KCTD5: variants seen among roughly 807,000 people sequenced by gnomAD.
The protein encoded by KCTD5 is potassium channel tetramerization domain containing 5.
Under a neutral mutation model 27.9 loss-of-function variants are expected in KCTD5, and 12 were observed. The ratio of observed to expected loss-of-function variants is 0.43; its 90% confidence interval spans 0.28 to 0.70. KCTD5 has a LOEUF of 0.70. KCTD5 is among the 30% of genes least tolerant of loss of function. The pLI is 0.19. For missense variants in KCTD5, 226 were observed against 274.8 expected, an observed-to-expected ratio of 0.82 and a Z score of 1.26; for synonymous variants, 147 against 121.4, an observed-to-expected ratio of 1.21 and a Z score of -1.39.
At chr16:2,687,708 CAG>C (rs2067546311) in intron 1 of KCTD5, among the ~76,000 whole-genome samples, 1 of 152,162 alleles carries the variant, frequency 6.6e-6, no homozygotes, top group Non-Finnish European at 1.5e-5. Context: ...GACTCCTTTT[CAG>C]ACACTTGTAG....
rs1261127209 is a variant in KCTD5, at chr16:2,702,384, G to C, written c.581G>C (p.Gly194Ala). Residue 194 changes from glycine (G) to alanine (A), a missense_variant, in exon 5 of 6, where the codon GGG becomes GCG. Around this residue, in one of 2 missense-constraint regions of KCTD5, gnomAD observed 135 missense variants for 207.0 expected, o/e 0.65. Coordinates refer to ENST00000301738, the MANE Select transcript of KCTD5 (RefSeq NM_018992.4). Reference protein sequence around the residue: ...LVSIGSSYNYGNEDQAEFLCV... With the variant: ...LVSIGSSYNYANEDQAEFLCV... ...AGCATCGGCTCCTCTTACAACTATG[G>C]GAACGAAGACCAAGCCGAGTTCCTC... 6.2e-7 allele frequency: 1 copy of C among 1,613,360 alleles called. No individual in the cohort carries two copies. The highest frequency in any genetic ancestry group is 8.5e-7 in the Non-Finnish European group (1 of 1,179,974).
At chr16:2,705,114 C>T (rs1032088228) in intron 5 of KCTD5, among the ~76,000 whole-genome samples, 14 of 152,236 alleles carry the variant, frequency 9.2e-5, no homozygotes, top group African/African-American at 1.4e-4. Flanking sequence ...TTCTCCCCCA[C>T]TGCGCGCTGC....
chr16:2,685,109 C>G (rs1363866286), intron 1 of KCTD5, among the ~76,000 whole-genome samples: 2 of 152,186 alleles, frequency 1.3e-5, no homozygotes, highest in African/African-American at 4.8e-5. Context: ...GTAGCAGATA[C>G]AGTCGTCTCT....
Position 2,697,896 on chromosome 16 carries a change from C to T in KCTD5, c.362-10C>T, listed in dbSNP as rs758639166. On this transcript the variant is annotated splice_polypyrimidine_tract_variant and intron_variant, in intron 2 of 5. Coordinates refer to ENST00000301738, the MANE Select transcript of KCTD5 (RefSeq NM_018992.4). ...GTCTGGTAAAGACAATTTATTTTTC[C>T]TTATTCCAGGAGTGTTGGAGGAAGC... The T allele has an allele frequency of 2.5e-6, 4 of 1,573,450 alleles. No homozygotes were observed. Among genetic ancestry groups the T allele is most frequent in the South Asian group, 2.2e-5 (2 of 89,884 alleles).
intron 1 of KCTD5, among the ~76,000 whole-genome samples, chr16:2,691,970 C>A (rs139873400): frequency 3.3e-5 from 5 of 152,316 alleles, no homozygotes; most frequent in Non-Finnish European, 7.3e-5. Context: ...GTTCCTGGGG[C>A]GTGCGGTTCC....
intron 5 of KCTD5, among the ~76,000 whole-genome samples, chr16:2,706,442 C>T (rs981124255): frequency 1.3e-5 from 2 of 152,196 alleles, no homozygotes; most frequent in Non-Finnish European, 2.9e-5. Flanking sequence ...GGCTGGCTGG[C>T]TCCGAAGCTC....
rs374183656 is a variant in KCTD5, at chr16:2,698,016, G to C, written c.453+19G>C. On this transcript the variant is annotated intron_variant, in intron 3 of 5. Coordinates refer to ENST00000301738, the MANE Select transcript of KCTD5 (RefSeq NM_018992.4). ...ATCGCAGGTGAGACAAATGACTGAG[G>C]CTGGAAGCTTGTATGGCTGGTGTGA... The C allele has an allele frequency of 1.6e-5, 25 of 1,573,186 alleles. No homozygotes were observed. In the African/African-American group the frequency reaches 3.2e-4, roughly 20 times the overall value.
intron 1 of KCTD5, among the ~76,000 whole-genome samples, chr16:2,689,329 CAG>C (rs1265801202): frequency 1.6e-4 from 5 of 30,882 alleles, no homozygotes; most frequent in African/African-American, 4.4e-4. Context: ...GAAATTGAAA[CAG>C]AGTCACTTGA....
intron 1 of KCTD5, among the ~76,000 whole-genome samples, chr16:2,693,452 G>T (rs1214779636): frequency 3.3e-5 from 5 of 152,234 alleles, no homozygotes; most frequent in Admixed American, 2.6e-4. Flanking sequence ...CCCGCCCAGT[G>T]GTAGGAGTGG....
intron 1 of KCTD5, among the ~76,000 whole-genome samples, chr16:2,692,014 C>A (rs1055133464): frequency 6.6e-6 from 1 of 152,154 alleles, no homozygotes; most frequent in Non-Finnish European, 1.5e-5. Context: ...CCTGGTCCCT[C>A]TGTCAGGAGC....
chr16:2,693,647 G>T (rs975105556), intron 1 of KCTD5, among the ~76,000 whole-genome samples: 1 of 152,192 alleles, frequency 6.6e-6, no homozygotes, highest in African/African-American at 2.4e-5. Context: ...CAGTTGCAGG[G>T]CTGGGGTTGC....
chr16:2,692,200 C>T (rs1314426183), intron 1 of KCTD5, among the ~76,000 whole-genome samples: 1 of 152,208 alleles, frequency 6.6e-6, no homozygotes, highest in Non-Finnish European at 1.5e-5. Context: ...CCTGCTGATA[C>T]GGTGTCTTTA....
At chr16:2,706,081 G>A (rs966513247) in intron 5 of KCTD5, among the ~76,000 whole-genome samples, 31 of 152,328 alleles carry the variant, frequency 2.0e-4, no homozygotes, top group Admixed American at 1.8e-3. Context: ...GCTGCCCCTC[G>A]CACAGGGGGA....
chr16:2,699,001 A>G (rs990324763), intron 3 of KCTD5, among the ~76,000 whole-genome samples: 2 of 152,192 alleles, frequency 1.3e-5, no homozygotes, highest in Non-Finnish European at 2.9e-5. Context: ...GTGACACAGT[A>G]GCATCTCACT....
rs1250492026 is a variant in KCTD5 at position 2,702,478 on chromosome 16, G to A, written c.675G>A (p.Lys225=). The A allele has an allele frequency of 9.3e-6, 15 of 1,613,030 alleles. No homozygotes were observed. Among genetic ancestry groups the A allele is most frequent in the Non-Finnish European group, 1.3e-5 (15 of 1,179,884 alleles). The change falls in exon 5 of 6, where the codon AAG becomes AAA. Residue 225 remains lysine, a splice_region_variant and synonymous_variant. Transcript: ENST00000301738. ...CCAGCGAGCCCAGCGAGAAGGCCAA[G>A]GTGAGTGCTGGGCCGGCCCTGGCCT... ...GTASEPSEKA[K]ILQERGSRM is the part of the protein sequence containing the mutation.
At chr16:2,705,219 C>T (rs1019260051) in intron 5 of KCTD5, among the ~76,000 whole-genome samples, 2 of 152,178 alleles carry the variant, frequency 1.3e-5, no homozygotes, top group African/African-American at 4.8e-5. Context: ...TCCTTGACCC[C>T]ATGGCCCCAG....
At chr16:2,691,808 C>G (rs1451303262) in intron 1 of KCTD5, among the ~76,000 whole-genome samples, 2 of 152,230 alleles carry the variant, frequency 1.3e-5, no homozygotes, top group African/African-American at 4.8e-5. Flanking sequence ...CTGCTCCTTT[C>G]AAGTCTCTTC....
At chr16:2,698,393 G>C (rs748681271) in intron 3 of KCTD5, among the ~76,000 whole-genome samples, 1 of 152,258 alleles carries the variant, frequency 6.6e-6, no homozygotes, top group East Asian at 1.9e-4. Context: ...CAGATGGGTC[G>C]TGTGGGTCTG....
Position 2,697,904 on chromosome 16 carries a change from A to G in KCTD5, c.362-2A>G. ...AAGACAATTTATTTTTCCTTATTCC[A>G]GGAGTGTTGGAGGAAGCAGAATTTT... is the stretch of plus-strand genomic sequence containing the variant. On this transcript the variant is annotated splice_acceptor_variant, in intron 2 of 5. Coordinates refer to ENST00000301738, the MANE Select transcript of KCTD5 (RefSeq NM_018992.4). LOFTEE classifies it high-confidence loss of function. 1.3e-6 allele frequency: 2 copies of G among 1,590,252 alleles called. No homozygotes were observed. The highest frequency in any genetic ancestry group is 1.7e-6 in the Non-Finnish European group (2 of 1,158,802).
Sources: allele counts gnomAD v4.1 joint callset (sites outside exome capture counted in the v4.1 genomes callset), GRCh38; gene constraint gnomAD v4.1.1; regional missense constraint gnomAD v4.1.1; transcripts MANE v1.5; gene names NCBI Gene and HGNC (gene_info 2026-07-23, HGNC 2026-07-21).